The following ADAMTSL1 variants were observed in gnomAD, a reference collection of about 807,000 sequenced individuals.
ADAMTSL1 encodes the protein ADAMTS-like protein 1.
Under a neutral mutation model 201.8 loss-of-function variants are expected in ADAMTSL1, and 126 were observed. The observed-to-expected ratio is 0.62, with a 90% CI of 0.54 to 0.72. ADAMTSL1 has a LOEUF of 0.72. Among genes scored for constraint, ADAMTSL1 ranks in the 30% least tolerant of loss-of-function variants. The pLI is 0.00. For synonymous variants in ADAMTSL1, 1,121 were observed against 903.4 expected (o/e 1.24, Z -4.32); for missense variants, 2,679 against 2,277.8 (o/e 1.18, Z -3.59).
At chr9:18,496,663 C>G (rs1205576259) in intron 1 of ADAMTSL1, among the ~76,000 whole-genome samples, 1 of 152,192 alleles carries the variant, frequency 6.6e-6, no homozygotes, top group Non-Finnish European at 1.5e-5. Flanking sequence ...CCATATTAAT[C>G]TATTAACGTT....
chr9:18,216,648 CTTTT>C (rs5896775), intron 2 of ADAMTSL1, among the ~76,000 whole-genome samples: 5 of 133,974 alleles, frequency 3.7e-5, no homozygotes, highest in African/African-American at 1.1e-4. Context: ...TCTTGCTCTC[CTTTT>C]TTTTTTTTTT....
At chr9:18,032,185 A>C (rs567316274) in intron 1 of ADAMTSL1, among the ~76,000 whole-genome samples, 1 of 152,226 alleles carries the variant, frequency 6.6e-6, no homozygotes, top group Admixed American at 6.5e-5. Flanking sequence ...CCAGTCTTGC[A>C]AAGGGAGGGA....
chr9:17,969,246 C>A (rs1818108151), intron 1 of ADAMTSL1, among the ~76,000 whole-genome samples: 1 of 151,934 alleles, frequency 6.6e-6, no homozygotes, highest in Admixed American at 6.6e-5. Flanking sequence ...AATGAGTAAG[C>A]CTTACAGGAA....
chr9:18,175,244 A>G (rs1224275069), intron 2 of ADAMTSL1, among the ~76,000 whole-genome samples: 2 of 152,158 alleles, frequency 1.3e-5, no homozygotes, highest in African/African-American at 4.8e-5. Flanking sequence ...TTGAACCCTA[A>G]GATATTGTGT....
chr9:17,983,340 A>G (rs934221647), intron 1 of ADAMTSL1, among the ~76,000 whole-genome samples: 7 of 152,076 alleles, frequency 4.6e-5, no homozygotes, highest in African/African-American at 1.7e-4. Context: ...AAGTGCTGGG[A>G]TTACAGGCGT....
chr9:17,938,440 T>C (rs1027937238), intron 1 of ADAMTSL1, among the ~76,000 whole-genome samples: 1 of 152,162 alleles, frequency 6.6e-6, no homozygotes, highest in Non-Finnish European at 1.5e-5. Context: ...GCATCTTTAC[T>C]GTCCATCCTC....
intron 1 of ADAMTSL1, among the ~76,000 whole-genome samples, chr9:17,928,422 A>T (rs556841763): frequency 2.4e-4 from 36 of 152,216 alleles, no homozygotes; most frequent in Non-Finnish European, 4.4e-4. Context: ...ATTGGAAATC[A>T]GCCAATGGTT....
intron 1 of ADAMTSL1, among the ~76,000 whole-genome samples, chr9:18,128,550 A>T (rs181304019): frequency 4.3e-4 from 65 of 152,152 alleles, no homozygotes; most frequent in Non-Finnish European, 6.2e-4. Flanking sequence ...GTCAAAAGCA[A>T]TCTGCCCGCC....
At chr9:18,575,491 A>G (rs1277894547) in intron 4 of ADAMTSL1, among the ~76,000 whole-genome samples, 1 of 152,228 alleles carries the variant, frequency 6.6e-6, no homozygotes, top group African/African-American at 2.4e-5. Flanking sequence ...AAAAAGCAAT[A>G]TATCTGAATA....
chr9:18,324,608 T>C (rs1834755213), intron 2 of ADAMTSL1, among the ~76,000 whole-genome samples: 1 of 151,740 alleles, frequency 6.6e-6, no homozygotes, highest in Non-Finnish European at 1.5e-5. Flanking sequence ...CTACTAAAAA[T>C]ACAAAATTAG....
chr9:18,241,523 A>C (rs1373650798), intron 2 of ADAMTSL1, among the ~76,000 whole-genome samples: 6 of 152,126 alleles, frequency 3.9e-5, no homozygotes, highest in African/African-American at 1.4e-4. Context: ...GTAGACTAAA[A>C]CAGCCAAAAT....
At chr9:18,563,205 C>G (rs1229244146) in intron 3 of ADAMTSL1, among the ~76,000 whole-genome samples, 3 of 152,158 alleles carry the variant, frequency 2.0e-5, no homozygotes, top group African/African-American at 7.2e-5. Flanking sequence ...TTGTGGACAT[C>G]CTTTTTGTTG....
chr9:18,351,147 C>G (rs1010285703), intron 2 of ADAMTSL1, among the ~76,000 whole-genome samples: 1 of 151,008 alleles, frequency 6.6e-6, no homozygotes, highest in Admixed American at 6.6e-5. Context: ...TGCCTTGCAT[C>G]TAGATTAATA....
intron 23 of ADAMTSL1, among the ~76,000 whole-genome samples, chr9:18,854,991 A>C (rs1359794356): frequency 6.6e-6 from 1 of 152,158 alleles, no homozygotes; most frequent in Non-Finnish European, 1.5e-5. Flanking sequence ...AGAAATAGTC[A>C]TGCCACTGAT....
chr9:18,845,652 G>C (rs1007348782), intron 23 of ADAMTSL1, among the ~76,000 whole-genome samples: 2 of 152,160 alleles, frequency 1.3e-5, no homozygotes, highest in Admixed American at 6.5e-5. Context: ...TTATTCCTCT[G>C]CTGAGAATTG....
At chr9:18,217,532 T>C (rs1249314278) in intron 2 of ADAMTSL1, among the ~76,000 whole-genome samples, 1 of 152,178 alleles carries the variant, frequency 6.6e-6, no homozygotes, top group African/African-American at 2.4e-5. Flanking sequence ...TTCTTCTTTC[T>C]AAAATCTTAG....
intron 1 of ADAMTSL1, among the ~76,000 whole-genome samples, chr9:17,963,533 G>T (rs1588486096): frequency 6.6e-6 from 1 of 152,132 alleles, no homozygotes; most frequent in Non-Finnish European, 1.5e-5. Flanking sequence ...AAACAGTAGG[G>T]AATCAAGAGA....
At chr9:18,905,998 C>A in intron 27 of ADAMTSL1, 107 bp downstream of exon 27, 3 of 970,602 alleles carry the variant, frequency 3.1e-6, no homozygotes, top group Non-Finnish European at 4.5e-6. Context: ...AGTCCCAAGC[C>A]CTGCCTGGGA....
intron 5 of ADAMTSL1, among the ~76,000 whole-genome samples, chr9:18,628,317 C>A (rs1826528397): frequency 6.6e-6 from 1 of 152,102 alleles, no homozygotes; most frequent in African/African-American, 2.4e-5. Flanking sequence ...ACGCCCAATT[C>A]TTCCAGTACC....
Sources: allele counts gnomAD v4.1 joint callset (sites outside exome capture counted in the v4.1 genomes callset), GRCh38; gene constraint gnomAD v4.1.1; transcripts MANE v1.5; gene names NCBI Gene and HGNC (gene_info 2026-07-23, HGNC 2026-07-21).